The following TNFSF18 variants were observed in gnomAD, a reference collection of about 807,000 sequenced individuals.
TNFSF18 encodes the protein tumor necrosis factor ligand superfamily member 18.
TNFSF18 carries 6 observed loss-of-function variants against 9.6 expected under a neutral mutation model. That is an observed-to-expected ratio of 0.63 (90% CI 0.34 to 1.24). The LOEUF (loss-of-function observed/expected upper bound fraction) is 1.24. Ranked by LOEUF, TNFSF18 falls within the 50% of genes most tolerant of loss-of-function variation. The pLI, the probability that TNFSF18 is intolerant of heterozygous loss-of-function variation, is 0.03. For missense variants in TNFSF18, 210 were observed against 201.0 expected (o/e 1.04, Z -0.27); for synonymous variants, 68 against 71.7 (o/e 0.95, Z 0.26).
In TNFSF18 at chr1:173,043,943, C is replaced by T; in HGVS notation, c.183G>A (p.Lys61=). ...CATGCAAGATAGGTTACTCACCAAA[C>T]TTAGCCATACAGGGCTCCTTAGCAG... ...LETAKEPCMA[K]FGPLPSKWQM... is the part of the protein sequence containing the mutation. The change falls in exon 2 of 3, where the codon AAG becomes AAA. Residue 61 remains lysine (K), a synonymous_variant. Coordinates refer to ENST00000404377, the MANE Select transcript of TNFSF18 (RefSeq NM_005092.4). The T allele has an allele frequency of 2.5e-6, 4 of 1,612,898 alleles. No homozygotes were observed. Among genetic ancestry groups the T allele is most frequent in the Non-Finnish European group, 3.4e-6 (4 of 1,179,006 alleles).
At chr1:173,044,273 G>A (rs907344419) in intron 1 of TNFSF18, among the ~76,000 whole-genome samples, 4 of 151,264 alleles carry the variant, frequency 2.6e-5, no homozygotes, top group Non-Finnish European at 4.4e-5. Context: ...CCCAACCTTG[G>A]GCTCTAAAAG....
chr1:173,044,142 G>T (rs1665035150), intron 1 of TNFSF18, among the ~76,000 whole-genome samples, 173 bp from the exon 2 acceptor site: 1 of 151,968 alleles, frequency 6.6e-6, no homozygotes, highest in South Asian at 2.1e-4. Context: ...AAAGTTGAGT[G>T]GCTCCATCCT....
At chr1:173,046,771 ATGT>A (rs1370571415) in intron 1 of TNFSF18, among the ~76,000 whole-genome samples, 2 of 152,150 alleles carry the variant, frequency 1.3e-5, no homozygotes, top group African/African-American at 4.8e-5. Context: ...TAGCATACAA[ATGT>A]TGGGAATTAT....
chr1:173,041,846 G>T, intron 2 of TNFSF18, 133 bp from the exon 3 acceptor site: 1 of 788,000 alleles, frequency 1.3e-6, no homozygotes, highest in Non-Finnish European at 1.9e-6. Flanking sequence ...TTCTCTTCAA[G>T]CAGAATTTTT....
intron 1 of TNFSF18, among the ~76,000 whole-genome samples, chr1:173,047,676 T>G (rs1173115583): frequency 1.3e-5 from 2 of 152,218 alleles, no homozygotes; most frequent in Non-Finnish European, 2.9e-5. Flanking sequence ...CTAGCATGTA[T>G]GAGATGTGCT....
At chr1:173,042,122 G>GT (rs1446153770) in intron 2 of TNFSF18, among the ~76,000 whole-genome samples, 1 of 152,166 alleles carries the variant, frequency 6.6e-6, no homozygotes, top group Admixed American at 6.5e-5. Context: ...ACCACTGGCT[G>GT]TTTATCACTT....
chr1:173,050,464 C>T (rs903541359), intron 1 of TNFSF18, among the ~76,000 whole-genome samples: 1 of 151,984 alleles, frequency 6.6e-6, no homozygotes, highest in Non-Finnish European at 1.5e-5. Flanking sequence ...AGGAAAAATA[C>T]TCCACAGGCC....
intron 1 of TNFSF18, among the ~76,000 whole-genome samples, chr1:173,046,134 C>A (rs554100594): frequency 6.6e-6 from 1 of 152,076 alleles, no homozygotes; most frequent in Admixed American, 6.6e-5. Context: ...TAAGACCTTT[C>A]AAAAAATTTT....
intron 2 of TNFSF18, 21 bp from the exon 3 acceptor site, chr1:173,041,734 T>TA (rs1664998319): frequency 6.5e-7 from 1 of 1,533,518 alleles, no homozygotes; most frequent in Non-Finnish European, 8.8e-7. Context: ...TATACAAGGA[T>TA]AAAAAAGATG....
In TNFSF18 at chr1:173,050,827, A is replaced by G. The variant is rs1254672424; in HGVS notation, c.70T>C (p.Trp24Arg). The G allele has an allele frequency of 6.2e-7, 1 of 1,613,790 alleles. No individual in the cohort carries two copies. Among genetic ancestry groups the G allele is most frequent in the Non-Finnish European group, 8.5e-7 (1 of 1,179,764 alleles). ...ATTGAGCAAAAGAGCCACAGCTTCC[A>G]GGATGATCTCTGAGCTCCTTGAGTT... is the stretch of plus-strand genomic sequence containing the variant. ...SRTQGAQRSS[W>R]KLWLFCSIVM... The change falls in exon 1 of 3, where the codon TGG becomes CGG. Residue 24 changes from tryptophan to arginine, a missense_variant. Coordinates refer to ENST00000404377, the MANE Select transcript of TNFSF18 (RefSeq NM_005092.4).
At chr1:173,044,829 C>G (rs1665053113) in intron 1 of TNFSF18, among the ~76,000 whole-genome samples, 1 of 152,112 alleles carries the variant, frequency 6.6e-6, no homozygotes, top group Admixed American at 6.6e-5. Context: ...AGTCATTCAT[C>G]TAGGCAAGAG....
At chr1:173,050,370 A>G (rs913809673) in intron 1 of TNFSF18, among the ~76,000 whole-genome samples, 5 of 152,096 alleles carry the variant, frequency 3.3e-5, no homozygotes, top group African/African-American at 1.2e-4. Flanking sequence ...TTTTCCATAA[A>G]TAAGACTATA....
chr1:173,043,295 A>G (rs1486809005), intron 2 of TNFSF18, among the ~76,000 whole-genome samples: 2 of 152,194 alleles, frequency 1.3e-5, no homozygotes, highest in African/African-American at 2.4e-5. Context: ...TCTGTTCTCA[A>G]CTGAAAATGT....
intron 2 of TNFSF18, among the ~76,000 whole-genome samples, chr1:173,043,218 GC>G (rs201592019): frequency 0.019 from 2,849 of 152,168 alleles, 39 homozygotes; most frequent in Non-Finnish European, 0.031. Context: ...ATTCCCACAA[GC>G]CAAGGAAACC....
intron 1 of TNFSF18, among the ~76,000 whole-genome samples, chr1:173,049,135 AGTT>A (rs1366222453): frequency 1.3e-5 from 2 of 152,180 alleles, no homozygotes. Context: ...GGATTAATCC[AGTT>A]TGATTCTGAA....
At position 173,041,502 on chromosome 1, in the gene TNFSF18, G is replaced by A; in HGVS notation, c.399C>T (p.Ile133=). ...ATTCATAAGTCCCTCCTACATTTTGGATTTTAGATTTGTTTGTTAGAGTTT... is the reference window on the plus strand; with the variant it reads ...ATTCATAAGTCCCTCCTACATTTTGAATTTTAGATTTGTTTGTTAGAGTTT... ...MIQTLTNKSK[I]QNVGGTYELH... Residue 133 remains isoleucine, a synonymous_variant, in exon 3 of 3, where the codon ATC becomes ATT. Transcript: ENST00000404377. The A allele has an allele frequency of 1.2e-6, 2 of 1,613,478 alleles. No individual in the cohort carries two copies. The highest frequency in any genetic ancestry group is 3.3e-4 in the Middle Eastern group (2 of 6,062).
rs538697631 is a variant in TNFSF18 at position 173,041,129 on chromosome 1, A to G, written c.*238T>C. 5.8e-5 allele frequency: 23 copies of G among 393,754 alleles called. 1 individual carries two copies. In the South Asian group the frequency reaches 1.8e-3, roughly 30 times the overall value. 24.4% of individuals were successfully genotyped at this position (393,754 alleles called of 1,614,324 possible). A position where few individuals can be genotyped will look rare whatever the true frequency, so the allele number is the denominator to read the frequency against. The stretch of plus-strand genomic sequence containing the variant: ...GAAAAGCACATGTCCTCTGTCATCC[A>G]TATTTGTTTTATCATGGATTAATGA... On this transcript the variant is annotated 3_prime_UTR_variant, in exon 3 of 3. Coordinates refer to ENST00000404377, the MANE Select transcript of TNFSF18 (RefSeq NM_005092.4).
In TNFSF18 at chr1:173,040,922, A is replaced by G. The variant is rs1664978376; in HGVS notation, c.*445T>C. On this transcript the variant is annotated 3_prime_UTR_variant, in exon 3 of 3. Transcript: ENST00000404377. Reference sequence around the variant, plus strand: ...ATATCTGTGGCCATCCTATCAGTCTACTTTTTATTGGGAGGGTCTCAGAAG... The same window carrying G: ...ATATCTGTGGCCATCCTATCAGTCTGCTTTTTATTGGGAGGGTCTCAGAAG... 6.5e-6 allele frequency: 1 copy of G among 154,386 alleles called. No individual in the cohort carries two copies. The highest frequency in any genetic ancestry group is 1.4e-5 in the Non-Finnish European group (1 of 69,746). 9.6% of individuals were successfully genotyped at this position (154,386 alleles called of 1,614,324 possible).
chr1:173,040,576 C>G lies in TNFSF18; in HGVS notation c.*791G>C, dbSNP rs538761402. The stretch of plus-strand genomic sequence containing the variant: ...GGAAAGCTAGCTAAAAATACTAAAT[C>G]ATTACATGACATAATCCAGTAATGA... On this transcript the variant is annotated 3_prime_UTR_variant, in exon 3 of 3. Coordinates refer to ENST00000404377, the MANE Select transcript of TNFSF18 (RefSeq NM_005092.4). 6.6e-6 allele frequency: 1 copy of G among 152,248 alleles called. No homozygotes were observed. Among genetic ancestry groups the G allele is most frequent in the South Asian group, 2.1e-4 (1 of 4,818 alleles). The allele number at this position is 152,248 out of a possible 1,614,324, so 9.4% of individuals were successfully genotyped here.
Sources: allele counts gnomAD v4.1 joint callset (sites outside exome capture counted in the v4.1 genomes callset), GRCh38; gene constraint gnomAD v4.1.1; transcripts MANE v1.5; gene names NCBI Gene and HGNC (gene_info 2026-07-23, HGNC 2026-07-21).